Variants in SLC30A9 observed in about 807,000 individuals in gnomAD.
SLC30A9 encodes the protein solute carrier family 30 member 9.
In SLC30A9, 58 loss-of-function variants were observed where a neutral mutation model predicts 87.5. The ratio of observed to expected loss-of-function variants is 0.66; its 90% confidence interval spans 0.54 to 0.82. The LOEUF is 0.82. SLC30A9 is among the 40% of genes least tolerant of loss of function. SLC30A9 has a pLI of 0.00. For missense variants in SLC30A9, 557 were observed against 679.1 expected, an observed-to-expected ratio of 0.82 and a Z score of 2.00; for synonymous variants, 234 against 233.0, an observed-to-expected ratio of 1.00 and a Z score of -0.04.
Position 42,023,359 on chromosome 4 carries a change from G to A in SLC30A9, c.585G>A (p.Lys195=), listed in dbSNP as rs762178569. 18 of 1,612,148 alleles carry A rather than the reference G, an allele frequency of 1.1e-5. No homozygotes were observed. In the South Asian group the frequency reaches 1.4e-4, roughly 13 times the overall value. ...EALAREKKLR[K]EAEIEYRERL... ...TTGCCAGAGAGAAAAAATTGCGTAA[G>A]GAAGCAGAAATAGAATACAGAGAAA... Residue 195 remains lysine, a synonymous_variant, in exon 6 of 18, where the codon AAG becomes AAA. Transcript: ENST00000264451.
intron 1 of SLC30A9, 97 bp from the exon 2 acceptor site, chr4:42,001,519 T>G (rs1431730232): frequency 2.0e-5 from 12 of 591,666 alleles, no homozygotes; most frequent in Non-Finnish European, 3.5e-5. Context: ...CATGTGTACC[T>G]AGAAGCAGTG....
Position 42,067,126 on chromosome 4 carries a change from G to A in SLC30A9, c.1186G>A (p.Glu396Lys). 2 of 1,612,734 alleles carry A rather than the reference G, an allele frequency of 1.2e-6. No homozygotes were observed. Among genetic ancestry groups the A allele is most frequent in the Non-Finnish European group, 8.5e-7 (1 of 1,179,040 alleles). ...TCCTAGTACAAATGTGATATTATTG[G>A]AGGATACTGCTGCAGTCTTGGGAGT... ...RDPSTNVILL[E>K]DTAAVLGVII... Residue 396 changes from glutamate (E) to lysine (K), a missense_variant, in exon 14 of 18, where the codon GAG becomes AAG. This residue lies in a region of SLC30A9 where 467 missense variants were observed against 529.8 expected (regional missense o/e 0.88). Transcript: ENST00000264451.
chr4:42,075,020 AATATATATATATATATATATATATAT>A (rs546717558), intron 15 of SLC30A9, among the ~76,000 whole-genome samples: 1 of 29,314 alleles, frequency 3.4e-5, no homozygotes, highest in Non-Finnish European at 5.8e-5. Context: ...AGAGTTAATG[AATATATATATATATATATATATATAT>A]ATATATATAT....
chr4:42,051,284 T>G (rs1717372425), intron 9 of SLC30A9, among the ~76,000 whole-genome samples: 2 of 152,202 alleles, frequency 1.3e-5, no homozygotes, highest in Admixed American at 1.3e-4. Context: ...TCAAATAATT[T>G]AATCACTTGC....
At position 42,001,772 on chromosome 4, in the gene SLC30A9, T is replaced by C. The variant is rs1714996329; in HGVS notation, c.266T>C (p.Phe89Ser). The C allele has an allele frequency of 1.2e-6, 2 of 1,606,768 alleles. No individual in the cohort carries two copies. Among genetic ancestry groups the C allele is most frequent in the Non-Finnish European group, 1.7e-6 (2 of 1,176,274 alleles). Reference protein sequence around the residue: ...QTLRVEKVPSFETAEGIGTEL... With the variant: ...QTLRVEKVPSSETAEGIGTEL... ...CTCAGAGTGGAAAAAGTACCATCATTTGAAACAGGTATGTGTAATTTTTTT... is the reference window on the plus strand; with the variant it reads ...CTCAGAGTGGAAAAAGTACCATCATCTGAAACAGGTATGTGTAATTTTTTT... Residue 89 changes from phenylalanine (F) to serine (S), a missense_variant, in exon 2 of 18, where the codon TTT (phenylalanine) becomes TCT (serine). Physicochemically the swap from Phe to Ser is radical, Grantham distance 155. Transcript: ENST00000264451.
Position 42,040,272 on chromosome 4 carries a change from G to A in SLC30A9, c.737+1219G>A, listed in dbSNP as rs77559846. The stretch of plus-strand genomic sequence containing the variant: ...GGGTTCTTTCCACCAGTAATACAGG[G>A]ATAGTGATTATAGCTTTTCTCATTG... On this transcript the variant is annotated intron_variant, in intron 8 of 17. Transcript: ENST00000264451. Among the ~76,000 whole-genome samples the A allele has an allele frequency of 5.2e-3, 795 of 152,276 alleles. 6 individuals carry two copies. The highest frequency in any genetic ancestry group is 0.018 in the African/African-American group (755 of 41,540).
intron 6 of SLC30A9, 50 bp from the exon 7 acceptor site, chr4:42,035,223 CTG>C: frequency 1.3e-6 from 2 of 1,531,298 alleles, no homozygotes; most frequent in Non-Finnish European, 1.8e-6. Context: ...TTCATCTAAA[CTG>C]TGACTGGTAA....
chr4:42,041,353 C>T (rs148456865), intron 8 of SLC30A9, among the ~76,000 whole-genome samples: 3 of 152,034 alleles, frequency 2.0e-5, no homozygotes, highest in East Asian at 1.9e-4. Context: ...GGTGCAATCT[C>T]GGCTCACTGC....
chr4:42,051,675 T>C (rs1404838255), intron 9 of SLC30A9, among the ~76,000 whole-genome samples: 3 of 152,076 alleles, frequency 2.0e-5, no homozygotes, highest in Non-Finnish European at 2.9e-5. Context: ...AACCTGAATA[T>C]GTAACAGCAG....
chr4:42,079,221 C>T (rs2153141329), intron 17 of SLC30A9, among the ~76,000 whole-genome samples: 1 of 152,036 alleles, frequency 6.6e-6, no homozygotes, highest in South Asian at 2.1e-4. Flanking sequence ...TTTACCAAAT[C>T]ATGCATGAAA....
At chr4:42,022,151 T>C (rs1047954740) in intron 4 of SLC30A9, among the ~76,000 whole-genome samples, 14 of 151,596 alleles carry the variant, frequency 9.2e-5, no homozygotes, top group African/African-American at 3.2e-4. Flanking sequence ...CACAGTCTAG[T>C]CTCGAACTCC....
chr4:42,061,129 G>A (rs1277439098), intron 10 of SLC30A9, among the ~76,000 whole-genome samples: 1 of 152,020 alleles, frequency 6.6e-6, no homozygotes, highest in Non-Finnish European at 1.5e-5. Context: ...TTTAGGTTGT[G>A]AAGATTTCTT....
intron 17 of SLC30A9, among the ~76,000 whole-genome samples, chr4:42,079,301 T>C (rs1433985566): frequency 6.6e-6 from 1 of 152,014 alleles, no homozygotes; most frequent in Non-Finnish European, 1.5e-5. Flanking sequence ...AATAACTTTT[T>C]TTTTTTTTTT....
At chr4:41,997,308 G>A (rs1359577809) in intron 1 of SLC30A9, among the ~76,000 whole-genome samples, 1 of 152,088 alleles carries the variant, frequency 6.6e-6, no homozygotes, top group Non-Finnish European at 1.5e-5. Flanking sequence ...GTTTTGGCTA[G>A]CTGAAAGGAT....
At chr4:42,049,951 C>G (rs945616019) in intron 9 of SLC30A9, among the ~76,000 whole-genome samples, 1 of 152,066 alleles carries the variant, frequency 6.6e-6, no homozygotes. Flanking sequence ...AAACCCAAAA[C>G]TTTTCTAAGA....
chr4:41,998,871 A>G (rs940703149), intron 1 of SLC30A9, among the ~76,000 whole-genome samples: 34 of 152,228 alleles, frequency 2.2e-4, no homozygotes, highest in Non-Finnish European at 4.6e-4. Context: ...ATAATATACA[A>G]TATTAGGTGG....
intron 16 of SLC30A9, among the ~76,000 whole-genome samples, chr4:42,076,713 C>T (rs879539716): frequency 6.6e-6 from 1 of 152,016 alleles, no homozygotes; most frequent in Non-Finnish European, 1.5e-5. Flanking sequence ...TCTGTAATCC[C>T]AGCACTTTGG....
At chr4:42,048,958 T>C (rs1171578631) in intron 8 of SLC30A9, among the ~76,000 whole-genome samples, 1 of 152,188 alleles carries the variant, frequency 6.6e-6, no homozygotes, top group South Asian at 2.1e-4. Context: ...CTTGTTTTTT[T>C]TGTTATTGTT....
chr4:42,000,109 C>T (rs1714913361), intron 1 of SLC30A9, among the ~76,000 whole-genome samples: 1 of 151,906 alleles, frequency 6.6e-6, no homozygotes, highest in Non-Finnish European at 1.5e-5. Context: ...AAAGAGAACA[C>T]TGAAAAAAAT....
Sources: allele counts gnomAD v4.1 joint callset (sites outside exome capture counted in the v4.1 genomes callset), GRCh38; gene constraint gnomAD v4.1.1; regional missense constraint gnomAD v4.1.1; transcripts MANE v1.5; gene names NCBI Gene and HGNC (gene_info 2026-07-23, HGNC 2026-07-21).